Variants in FKBP6 observed in about 807,000 individuals in gnomAD.
The protein encoded by FKBP6 is FKBP prolyl isomerase family member 6 (inactive).
Under a neutral mutation model 41.7 loss-of-function variants are expected in FKBP6, and 29 were observed. The observed-to-expected ratio is 0.70, with a 90% CI of 0.52 to 0.95. The LOEUF is 0.95. Among genes scored for constraint, FKBP6 ranks in the 40% least tolerant of loss-of-function variants. FKBP6 has a pLI of 0.00. For synonymous variants in FKBP6, 130 were observed against 165.1 expected (o/e 0.79, Z 1.63); for missense variants, 338 against 408.7 (o/e 0.83, Z 1.49).
Position 73,328,478 on chromosome 7 carries a change from C to T in FKBP6, c.50C>T (p.Pro17Leu), listed in dbSNP as rs1196205413. The change falls in exon 1 of 9, where the codon CCC becomes CTC. Residue 17 changes from proline to leucine, a missense_variant. Coordinates refer to ENST00000252037, the MANE Select transcript of FKBP6 (RefSeq NM_003602.5). ...NQGVLEGDDA[P>L]GQSLYERLSQ... ...GGAGTCCTGGAAGGGGACGACGCCC[C>T]CGGCCAGGTGAGGGCCCAGACGTTT... 1.9e-6 allele frequency: 3 copies of T among 1,554,396 alleles called. No homozygotes were observed. Among genetic ancestry groups the T allele is most frequent in the Non-Finnish European group, 2.6e-6 (3 of 1,148,080 alleles).
At chr7:73,349,219 G>C (rs1239545172) in intron 8 of FKBP6, among the ~76,000 whole-genome samples, 3 of 151,224 alleles carry the variant, frequency 2.0e-5, no homozygotes, top group African/African-American at 7.3e-5. Context: ...AGACCAGCCT[G>C]ACCAATGTGG....
Position 73,340,778 on chromosome 7 carries a change from G to C in FKBP6, c.729G>C (p.Glu243Asp). Residue 243 changes from glutamate (E) to aspartate (D), a missense_variant, in exon 6 of 9, where the codon GAG (glutamate) becomes GAC (aspartate). Physicochemically the swap from Glu to Asp is conservative, Grantham distance 45. Around this residue, in one of 2 missense-constraint regions of FKBP6, gnomAD observed 239 missense variants for 250.1 expected, o/e 0.96. Coordinates refer to ENST00000252037, the MANE Select transcript of FKBP6 (RefSeq NM_003602.5). ...CCACCATAGCCCTGTGCTATGGAGA[G>C]CAGGCTTTGATCATTGACCAAAAGA... The part of the protein sequence containing the change: ...DRPTIALCYG[E>D]QALIIDQKNA... 6.2e-7 allele frequency: 1 copy of C among 1,614,136 alleles called. No homozygotes were observed. Among genetic ancestry groups the C allele is most frequent in the South Asian group, 1.1e-5 (1 of 91,076 alleles).
At chr7:73,335,855 A>C (rs1248745787) in intron 5 of FKBP6, among the ~76,000 whole-genome samples, 1 of 152,018 alleles carries the variant, frequency 6.6e-6, no homozygotes, top group Non-Finnish European at 1.5e-5. Context: ...TTAGTCCCTT[A>C]GGGTTGGAGA....
At chr7:73,352,319 C>A (rs782366066) in intron 8 of FKBP6, among the ~76,000 whole-genome samples, 39 of 152,154 alleles carry the variant, frequency 2.6e-4, no homozygotes, top group Non-Finnish European at 5.9e-5. Context: ...TCATGAAGAC[C>A]GTCAGATATC....
At chr7:73,353,876 G>A (rs1415292139) in intron 8 of FKBP6, among the ~76,000 whole-genome samples, 3 of 151,952 alleles carry the variant, frequency 2.0e-5, no homozygotes, top group African/African-American at 7.3e-5. Flanking sequence ...TGGGATTACA[G>A]GCGTGCGCCA....
At chr7:73,331,301 G>C (rs2115833305) in intron 4 of FKBP6, among the ~76,000 whole-genome samples, 1 of 152,304 alleles carries the variant, frequency 6.6e-6, no homozygotes, top group Non-Finnish European at 1.5e-5. Context: ...GTCAGTTTTT[G>C]ATTCCATGGG....
At chr7:73,328,842 T>G (rs1804729082) in intron 2 of FKBP6, 150 bp downstream of exon 2, 2 of 1,405,336 alleles carry the variant, frequency 1.4e-6, no homozygotes, top group Non-Finnish European at 2.0e-6. Flanking sequence ...GGGGTCTTGC[T>G]CAGTTGCCCA....
At chr7:73,343,452 T>C (rs782726036) in intron 8 of FKBP6, among the ~76,000 whole-genome samples, 2 of 152,224 alleles carry the variant, frequency 1.3e-5, no homozygotes, top group Non-Finnish European at 2.9e-5. Context: ...CGTGTCAAGC[T>C]TCTGTTCATC....
At chr7:73,343,662 G>A (rs1338215255) in intron 8 of FKBP6, among the ~76,000 whole-genome samples, 5 of 152,146 alleles carry the variant, frequency 3.3e-5, no homozygotes, top group African/African-American at 7.2e-5. Flanking sequence ...AATTTTGCAG[G>A]CACAGGGCGG....
chr7:73,343,469 C>T (rs1257057165), intron 8 of FKBP6, among the ~76,000 whole-genome samples: 1 of 152,038 alleles, frequency 6.6e-6, no homozygotes, highest in Non-Finnish European at 1.5e-5. Flanking sequence ...CATCTTCTTT[C>T]TCCTGAGAAC....
intron 8 of FKBP6, among the ~76,000 whole-genome samples, chr7:73,348,109 C>T (rs896171630): frequency 5.9e-5 from 9 of 152,204 alleles, no homozygotes; most frequent in Non-Finnish European, 1.5e-5. Flanking sequence ...TCGTTATTCC[C>T]TGTCATCTTG....
At chr7:73,356,434 C>T (rs1554551963) in intron 8 of FKBP6, among the ~76,000 whole-genome samples, 1 of 152,162 alleles carries the variant, frequency 6.6e-6, no homozygotes, top group Non-Finnish European at 1.5e-5. Context: ...GTGGCTGTAC[C>T]AGTTTGTTCT....
chr7:73,343,660 A>G (rs1805258417), intron 8 of FKBP6, among the ~76,000 whole-genome samples: 1 of 152,194 alleles, frequency 6.6e-6, no homozygotes, highest in Non-Finnish European at 1.5e-5. Context: ...GTAATTTTGC[A>G]GGCACAGGGC....
chr7:73,355,233 C>T (rs1239000948), intron 8 of FKBP6, among the ~76,000 whole-genome samples: 2 of 152,178 alleles, frequency 1.3e-5, no homozygotes, highest in African/African-American at 4.8e-5. Flanking sequence ...TGTCTGTGTT[C>T]GCTGCCTCAG....
rs781892472 is a variant in FKBP6 at position 73,340,831 on chromosome 7, AG to A, written c.783+1del. ...GCCAAGGCCCTCTTCAGGTGTGGAC[AG>A]GTGAGTTGGAAGCCAGTGACTTGGG... ...KNAKALFRCG[Q>X]ACLLLTEYQK... is the part of the protein sequence containing the mutation. On this transcript the variant is annotated frameshift_variant and splice_region_variant, in exon 6 of 9. Coordinates refer to ENST00000252037, the MANE Select transcript of FKBP6 (RefSeq NM_003602.5). LOFTEE classifies it high-confidence loss of function. 5 of 1,613,160 alleles carry A rather than the reference AG, an allele frequency of 3.1e-6. No individual in the cohort carries two copies. Among genetic ancestry groups the A allele is most frequent in the Non-Finnish European group, 3.4e-6 (4 of 1,179,278 alleles).
At chr7:73,341,766 C>T (rs1000814370) in intron 7 of FKBP6, among the ~76,000 whole-genome samples, 1 of 150,840 alleles carries the variant, frequency 6.6e-6, no homozygotes, top group Non-Finnish European at 1.5e-5. Context: ...CGAGTTCAGA[C>T]GATTCTCCTG....
At position 73,330,329 on chromosome 7, in the gene FKBP6, G is replaced by A. The variant is rs781812906; in HGVS notation, c.445G>A (p.Asp149Asn). The change falls in exon 4 of 9, where the codon GAC (aspartate) becomes AAC (asparagine). Residue 149 changes from aspartate to asparagine, a missense_variant. Transcript: ENST00000252037. Reference sequence around the variant, plus strand: ...TGACTTCCTGGACTGTGCTGAGTCAGACAAGTTTTGTGCTCTCTCAGCTGT... The same window carrying A: ...TGACTTCCTGGACTGTGCTGAGTCAAACAAGTTTTGTGCTCTCTCAGCTGT... ...LLDFLDCAES[D>N]KFCALSAEQQ... 6.2e-7 allele frequency: 1 copy of A among 1,614,020 alleles called. No homozygotes were observed. Among genetic ancestry groups the A allele is most frequent in the Non-Finnish European group, 8.5e-7 (1 of 1,179,898 alleles).
chr7:73,353,070 A>G (rs1037734676), intron 8 of FKBP6, among the ~76,000 whole-genome samples: 3 of 151,794 alleles, frequency 2.0e-5, no homozygotes, highest in African/African-American at 7.3e-5. Context: ...ATATCTTCCA[A>G]TATTTCTCCC....
At chr7:73,343,375 T>G (rs1033670596) in intron 8 of FKBP6, among the ~76,000 whole-genome samples, 3 of 152,178 alleles carry the variant, frequency 2.0e-5, no homozygotes, top group Non-Finnish European at 4.4e-5. Context: ...AAACTCTCCT[T>G]GCAGTTGCTT....
Sources: gnomAD v4.1 joint callset for allele counts (sites outside exome capture counted in the v4.1 genomes callset) on GRCh38, gnomAD v4.1.1 for gene constraint, gnomAD v4.1.1 regional missense constraint, MANE v1.5 for transcripts, NCBI Gene and HGNC (gene_info 2026-07-23, HGNC 2026-07-21) for gene names.